NCKAP5: variants seen among roughly 807,000 people sequenced by gnomAD.
NCKAP5 encodes NCK associated protein 5.
A neutral mutation model predicts 167.0 loss-of-function variants in NCKAP5; 92 were observed. The ratio of observed to expected loss-of-function variants is 0.55; its 90% CI spans 0.47 to 0.66. The LOEUF is 0.66. NCKAP5 is among the 30% of genes least tolerant of loss of function. The pLI is 0.00. For synonymous variants in NCKAP5, 891 were observed against 877.4 expected, an observed-to-expected ratio of 1.02 and a Z score of -0.27; for missense variants, 2,378 against 2,315.0, an observed-to-expected ratio of 1.03 and a Z score of -0.56.
chr2:133,254,808 G>A (rs1174334087), intron 4 of NCKAP5, among the ~76,000 whole-genome samples: 1 of 152,076 alleles, frequency 6.6e-6, no homozygotes, highest in Non-Finnish European at 1.5e-5. Flanking sequence ...TTTTCATAAA[G>A]TATATCACAG....
At chr2:133,345,058 C>T (rs373125786) in intron 3 of NCKAP5, among the ~76,000 whole-genome samples, 2 of 152,124 alleles carry the variant, frequency 1.3e-5, no homozygotes, top group East Asian at 3.9e-4. Flanking sequence ...CTTTAAGGGG[C>T]CCCTGGGGAG....
intron 6 of NCKAP5, among the ~76,000 whole-genome samples, chr2:133,010,805 G>T (rs1279270166): frequency 1.3e-5 from 2 of 152,126 alleles, no homozygotes; most frequent in Non-Finnish European, 2.9e-5. Context: ...TAATGAAAAG[G>T]ATTTTGGAAA....
At chr2:133,324,639 A>T (rs1016674490) in intron 3 of NCKAP5, among the ~76,000 whole-genome samples, 3 of 152,250 alleles carry the variant, frequency 2.0e-5, no homozygotes, top group Non-Finnish European at 4.4e-5. Context: ...AGTTTGTTGC[A>T]GAGTCACACA....
chr2:133,230,744 C>G (rs551971308), intron 4 of NCKAP5, among the ~76,000 whole-genome samples: 2 of 152,186 alleles, frequency 1.3e-5, no homozygotes, highest in South Asian at 4.2e-4. Context: ...TCCTCTTTTC[C>G]CTCAGCTATC....
At chr2:133,223,312 G>A (rs2086734442) in intron 4 of NCKAP5, among the ~76,000 whole-genome samples, 1 of 152,100 alleles carries the variant, frequency 6.6e-6, no homozygotes, top group East Asian at 1.9e-4. Flanking sequence ...CCAAGAATAA[G>A]AGCCCGGTGG....
the NCKAP5 span, among the ~76,000 whole-genome samples, chr2:133,628,867 A>G: frequency 6.6e-6 from 1 of 152,302 alleles, no homozygotes; most frequent in South Asian, 2.1e-4. Context: ...AACAAACCTG[A>G]CAAAAACAAG....
rs531327051 is a variant in NCKAP5, at chr2:132,696,049, ACACT to A, written c.5714-22748_5714-22745del. Among the ~76,000 whole-genome samples the A allele has an allele frequency of 1.5e-3, 223 of 152,344 alleles. 1 individual carries two copies. The highest frequency in any genetic ancestry group is 5.3e-3 in the African/African-American group (219 of 41,584). On this transcript the variant is annotated intron_variant, in intron 19 of 19. Transcript: ENST00000409261. Reference sequence around the variant, plus strand: ...AATCCTGGGTTGTTTTAAAAAAATAACACTCAGTGAAATTAATTTGGAATAAATG... The same window carrying A: ...AATCCTGGGTTGTTTTAAAAAAATAACAGTGAAATTAATTTGGAATAAATG...
intron 11 of NCKAP5, among the ~76,000 whole-genome samples, chr2:132,798,790 C>T (rs1684803558): frequency 6.6e-6 from 1 of 152,182 alleles, no homozygotes; most frequent in African/African-American, 2.4e-5. Flanking sequence ...ACACGTTCTA[C>T]AGGATCTCAG....
At chr2:133,453,212 G>A (rs1276891266) in intron 3 of NCKAP5, among the ~76,000 whole-genome samples, 2 of 152,128 alleles carry the variant, frequency 1.3e-5, no homozygotes, top group Non-Finnish European at 1.5e-5. Flanking sequence ...ACCTCAATCA[G>A]GAAGTATGTA....
chr2:133,102,744 AACACACACACACACACACACACAC>A (rs3051212), intron 6 of NCKAP5, among the ~76,000 whole-genome samples: 27 of 135,120 alleles, frequency 2.0e-4, no homozygotes, highest in African/African-American at 7.2e-4. Flanking sequence ...CAAGCATGTA[AACACACACACACACACACACACAC>A]ACACACACAC....
chr2:132,886,979 C>T (rs1016002850), intron 8 of NCKAP5, among the ~76,000 whole-genome samples: 1 of 152,124 alleles, frequency 6.6e-6, no homozygotes, highest in Non-Finnish European at 1.5e-5. Context: ...AGTTGAAACA[C>T]TTCTGGTCCT....
At chr2:132,728,061 G>A (rs1690637986) in intron 18 of NCKAP5, among the ~76,000 whole-genome samples, 1 of 152,214 alleles carries the variant, frequency 6.6e-6, no homozygotes, top group South Asian at 2.1e-4. Context: ...AGGAAGTTCT[G>A]GAAAATGAAC....
chr2:132,863,577 G>A (rs1690109765), intron 10 of NCKAP5, among the ~76,000 whole-genome samples: 1 of 152,074 alleles, frequency 6.6e-6, no homozygotes, highest in Admixed American at 6.6e-5. Context: ...AAGTTCATTA[G>A]TGGGAACACA....
the NCKAP5 span, among the ~76,000 whole-genome samples, chr2:133,576,162 G>A: frequency 2.0e-5 from 3 of 152,178 alleles, no homozygotes; most frequent in African/African-American, 7.2e-5. Context: ...GGAAGGCAAG[G>A]CTCCAGGGCC....
At chr2:132,874,893 T>C (rs1691145395) in intron 9 of NCKAP5, among the ~76,000 whole-genome samples, 1 of 128,270 alleles carries the variant, frequency 7.8e-6, no homozygotes, top group South Asian at 2.7e-4. Context: ...CACTGGGATA[T>C]GGTTTATTTT....
chr2:132,723,956 G>A (rs979241773), intron 19 of NCKAP5, among the ~76,000 whole-genome samples: 11 of 152,190 alleles, frequency 7.2e-5, no homozygotes, highest in African/African-American at 4.8e-5. Context: ...AGGCATACAG[G>A]GTTCTAGGGT....
At chr2:133,062,944 TAAGG>T (rs1057500747) in intron 6 of NCKAP5, among the ~76,000 whole-genome samples, 4 of 152,290 alleles carry the variant, frequency 2.6e-5, no homozygotes, top group African/African-American at 7.2e-5. Context: ...AATTACAGCA[TAAGG>T]ATGTGAATGT....
intron 5 of NCKAP5, among the ~76,000 whole-genome samples, chr2:133,151,387 G>A (rs1429424258): frequency 6.6e-6 from 1 of 152,040 alleles, no homozygotes; most frequent in Non-Finnish European, 1.5e-5. Flanking sequence ...AAAAATCTTT[G>A]CATAAGATAC....
At chr2:132,959,983 C>T (rs773535788) in intron 8 of NCKAP5, among the ~76,000 whole-genome samples, 2 of 152,168 alleles carry the variant, frequency 1.3e-5, no homozygotes, top group Non-Finnish European at 2.9e-5. Context: ...GTGATTTCTC[C>T]TCCAGGCACC....
Sources: allele counts gnomAD v4.1 joint callset (sites outside exome capture counted in the v4.1 genomes callset), GRCh38; gene constraint gnomAD v4.1.1; transcripts MANE v1.5; gene names NCBI Gene and HGNC (gene_info 2026-07-23, HGNC 2026-07-21).